PPP1R37: variants seen among roughly 807,000 people sequenced by gnomAD.
The protein encoded by PPP1R37 is leucine rich repeat containing 68.
Under a neutral mutation model 61.0 loss-of-function variants are expected in PPP1R37, and 21 were observed. The observed-to-expected ratio is 0.34, with a 90% CI of 0.24 to 0.50. The LOEUF (loss-of-function observed/expected upper bound fraction) is 0.50. PPP1R37 is among the 20% of genes least tolerant of loss of function. The pLI, the probability that PPP1R37 is intolerant of heterozygous loss-of-function variation, is 0.98. For missense variants in PPP1R37, 910 were observed against 952.7 expected, an observed-to-expected ratio of 0.96 and a Z score of 0.59; for synonymous variants, 443 against 433.5, an observed-to-expected ratio of 1.02 and a Z score of -0.27.
In PPP1R37 at chr19:45,117,733, G is replaced by A. The variant is rs543755471; in HGVS notation, c.203-20781G>A. On this transcript the variant is annotated intron_variant, in intron 1 of 12. Coordinates refer to ENST00000221462, the MANE Select transcript of PPP1R37 (RefSeq NM_019121.2). ...TCCCACCCAAGGCAGGGACAGGCCAGTGGGGCTACCCGAGCAAAGGCTTAG... is the reference window on the plus strand; with the variant it reads ...TCCCACCCAAGGCAGGGACAGGCCAATGGGGCTACCCGAGCAAAGGCTTAG... Among the ~76,000 whole-genome samples the A allele has an allele frequency of 2.2e-4, 33 of 152,352 alleles. 1 individual carries two copies. Among genetic ancestry groups the A allele is most frequent in the African/African-American group, 7.9e-4 (33 of 41,592 alleles).
At chr19:45,101,693 A>G (rs954242774) in intron 1 of PPP1R37, among the ~76,000 whole-genome samples, 39 of 151,442 alleles carry the variant, frequency 2.6e-4, no homozygotes, top group African/African-American at 8.0e-4. Flanking sequence ...CCTCCAGCCT[A>G]TGTGACAGAG....
chr19:45,139,974 C>T (rs377099200), intron 2 of PPP1R37, among the ~76,000 whole-genome samples: 6 of 152,268 alleles, frequency 3.9e-5, no homozygotes, highest in African/African-American at 1.4e-4. Flanking sequence ...CACTCGGTCC[C>T]GCTGGGGCAG....
intron 1 of PPP1R37, among the ~76,000 whole-genome samples, chr19:45,133,973 C>T (rs79881206): frequency 0.024 from 3,644 of 152,260 alleles, 144 homozygotes; most frequent in African/African-American, 0.083. Flanking sequence ...GTGCTCAGTA[C>T]GCCAGAGTCA....
At chr19:45,094,747 A>G (rs1203405985) in intron 1 of PPP1R37, among the ~76,000 whole-genome samples, 2 of 151,420 alleles carry the variant, frequency 1.3e-5, no homozygotes, top group East Asian at 3.9e-4. Context: ...AAAAAAAAAG[A>G]ATTGGGGGAT....
intron 1 of PPP1R37, among the ~76,000 whole-genome samples, chr19:45,111,870 T>C (rs79043847): frequency 0.011 from 1,711 of 152,306 alleles, 36 homozygotes; most frequent in African/African-American, 0.04. Context: ...TTATCAACCA[T>C]GTCTGCATGC....
intron 1 of PPP1R37, chr19:45,128,950 G>A (rs1370930809): frequency 1.7e-5 from 13 of 753,684 alleles, no homozygotes; most frequent in Middle Eastern, 5.8e-4. Flanking sequence ...CAAAAGTACC[G>A]CTGTGGAGAA....
rs1489770768 is a variant in PPP1R37 at position 45,093,315 on chromosome 19, C to A, written c.-11C>A. 4.3e-6 allele frequency: 6 copies of A among 1,397,038 alleles called. No homozygotes were observed. Among genetic ancestry groups the A allele is most frequent in the Admixed American group, 3.2e-5 (1 of 31,384 alleles). The allele number at this position is 1,397,038 out of a possible 1,614,324, so 86.5% of individuals were successfully genotyped here. On this transcript the variant is annotated 5_prime_UTR_variant, in exon 1 of 13. Coordinates refer to ENST00000221462, the MANE Select transcript of PPP1R37 (RefSeq NM_019121.2). Reference sequence around the variant, plus strand: ...TGTCCCCGGGGCCCCCGTGAGGAGGCGGCGGCGGCTATGGAGATCGCGCCG... The same window carrying A: ...TGTCCCCGGGGCCCCCGTGAGGAGGAGGCGGCGGCTATGGAGATCGCGCCG...
chr19:45,101,699 C>G lies in PPP1R37; in HGVS notation c.202+8172C>G, dbSNP rs985628022. On this transcript the variant is annotated intron_variant, in intron 1 of 12. Transcript: ENST00000221462. ...CACCACTGCCCTCCAGCCTATGTGA[C>G]AGAGTGAGACCCTGTCTCAAAAGAA... 3.4e-5 allele frequency among the ~76,000 whole-genome samples: 5 copies of G among 148,784 alleles called. 1 individual carries two copies. The highest frequency in any genetic ancestry group is 1.3e-4 in the African/African-American group (5 of 39,814).
intron 1 of PPP1R37, among the ~76,000 whole-genome samples, chr19:45,131,778 A>T (rs76984261): frequency 0.045 from 6,897 of 152,222 alleles, 257 homozygotes; most frequent in Admixed American, 0.11. Context: ...TAAGTTTCTG[A>T]TACCGGGAAG....
At chr19:45,117,812 A>T (rs1321087336) in intron 1 of PPP1R37, among the ~76,000 whole-genome samples, 2 of 152,198 alleles carry the variant, frequency 1.3e-5, no homozygotes, top group Admixed American at 1.3e-4. Flanking sequence ...GTCTTAGAGT[A>T]GCACCTGGCA....
At chr19:45,119,258 G>T (rs774827880) in intron 1 of PPP1R37, among the ~76,000 whole-genome samples, 4 of 151,888 alleles carry the variant, frequency 2.6e-5, no homozygotes, top group African/African-American at 9.7e-5. Context: ...AGGTTCAAGC[G>T]ATTCTCCTGC....
intron 1 of PPP1R37, chr19:45,128,487 C>T: frequency 5.0e-6 from 4 of 798,484 alleles, no homozygotes; most frequent in Non-Finnish European, 7.8e-6. Context: ...GCAGCAGGCC[C>T]AGAGGCAGCG....
chr19:45,124,800 A>T (rs1968381621), intron 1 of PPP1R37, among the ~76,000 whole-genome samples: 1 of 93,570 alleles, frequency 1.1e-5, no homozygotes, highest in Non-Finnish European at 2.1e-5. Context: ...GTCTCTACAT[A>T]AAAAAAGAAA....
intron 1 of PPP1R37, among the ~76,000 whole-genome samples, chr19:45,110,116 CTTTTTT>C (rs373508881): frequency 1.4e-5 from 2 of 142,488 alleles, no homozygotes; most frequent in African/African-American, 5.2e-5. Context: ...TTCCCTTTTT[CTTTTTT>C]TTTTTTTTGT....
intron 1 of PPP1R37, among the ~76,000 whole-genome samples, chr19:45,102,070 C>G (rs544102233): frequency 6.6e-6 from 1 of 152,232 alleles, no homozygotes; most frequent in East Asian, 1.9e-4. Context: ...CATCCTGCCC[C>G]TGCATGGGCT....
At chr19:45,103,606 G>T (rs1413959342) in intron 1 of PPP1R37, among the ~76,000 whole-genome samples, 4 of 151,266 alleles carry the variant, frequency 2.6e-5, no homozygotes, top group African/African-American at 7.3e-5. Flanking sequence ...AGCTGAACTC[G>T]CTTGGTTCCC....
At chr19:45,096,024 T>C (rs1027539356) in intron 1 of PPP1R37, among the ~76,000 whole-genome samples, 6 of 152,232 alleles carry the variant, frequency 3.9e-5, no homozygotes, top group Non-Finnish European at 4.4e-5. Flanking sequence ...ATCTGTGAAG[T>C]AGGTGGCAAT....
Position 45,145,926 on chromosome 19 carries a change from C to T in PPP1R37, c.1870C>T (p.Pro624Ser), listed in dbSNP as rs1371449686. Residue 624 changes from proline (P) to serine (S), a missense_variant, in exon 11 of 13, where the codon CCG becomes TCG. Around this residue, in one of 3 missense-constraint regions of PPP1R37, gnomAD observed 549 missense variants for 505.1 expected, o/e 1.09. Coordinates refer to ENST00000221462, the MANE Select transcript of PPP1R37 (RefSeq NM_019121.2). ...DTGSSEPQPPPEPPRSGPPLP... is the reference protein window; with the variant it reads ...DTGSSEPQPPSEPPRSGPPLP... ...AGGGTCCTCTGAGCCTCAGCCACCA[C>T]CGGAGCCGCCTCGGTCAGGGCCACC... The T allele has an allele frequency of 9.8e-6, 15 of 1,534,634 alleles. No homozygotes were observed. Among genetic ancestry groups the T allele is most frequent in the Non-Finnish European group, 1.2e-5 (14 of 1,146,476 alleles).
intron 1 of PPP1R37, among the ~76,000 whole-genome samples, chr19:45,103,812 G>A (rs933911082): frequency 6.6e-6 from 1 of 151,540 alleles, no homozygotes; most frequent in Non-Finnish European, 1.5e-5. Flanking sequence ...GAGGAAACAG[G>A]CTCACAGAGG....
Sources: allele counts gnomAD v4.1 joint callset (sites outside exome capture counted in the v4.1 genomes callset), GRCh38; gene constraint gnomAD v4.1.1; regional missense constraint gnomAD v4.1.1; transcripts MANE v1.5; gene names NCBI Gene and HGNC (gene_info 2026-07-23, HGNC 2026-07-21).